RPS6KC1: variants seen among roughly 807,000 people sequenced by gnomAD.
RPS6KC1 encodes ribosomal protein S6 kinase C1.
Under a neutral mutation model 103.8 loss-of-function variants are expected in RPS6KC1, and 54 were observed. The observed-to-expected ratio is 0.52, with a 90% confidence interval of 0.42 to 0.65. The LOEUF (loss-of-function observed/expected upper bound fraction) is 0.65. RPS6KC1 is among the 30% of genes least tolerant of loss of function. The pLI is 0.00. For synonymous variants in RPS6KC1, 439 were observed against 438.7 expected (o/e 1.00, Z -0.01); for missense variants, 1,151 against 1,253.8 (o/e 0.92, Z 1.24).
the RPS6KC1 span, among the ~76,000 whole-genome samples, chr1:213,718,965 C>G: frequency 6.6e-6 from 1 of 152,166 alleles, no homozygotes; most frequent in African/African-American, 2.4e-5. Flanking sequence ...GAAGCAGCCC[C>G]GCCTTCAAAG....
the RPS6KC1 span, among the ~76,000 whole-genome samples, chr1:213,683,124 T>A: frequency 6.6e-6 from 1 of 152,240 alleles, no homozygotes; most frequent in Non-Finnish European, 1.5e-5. Flanking sequence ...ATAAGGTATT[T>A]GAAAGTCCTT....
the RPS6KC1 span, among the ~76,000 whole-genome samples, chr1:213,827,946 T>C: frequency 6.6e-6 from 1 of 152,172 alleles, no homozygotes; most frequent in Non-Finnish European, 1.5e-5. Flanking sequence ...CACAAAATGA[T>C]GAAGGTTTCC....
the RPS6KC1 span, among the ~76,000 whole-genome samples, chr1:213,773,857 G>A: frequency 6.6e-6 from 1 of 152,190 alleles, no homozygotes; most frequent in Non-Finnish European, 1.5e-5. Context: ...TAACATCACA[G>A]CAACAGTTAC....
chr1:213,554,872 C>T, the RPS6KC1 span, among the ~76,000 whole-genome samples: 1 of 152,186 alleles, frequency 6.6e-6, no homozygotes, highest in East Asian at 1.9e-4. Context: ...TTCATTATAA[C>T]ATAATACATT....
intron 7 of RPS6KC1, among the ~76,000 whole-genome samples, chr1:213,168,692 GGCTCACT>G (rs1170592979): frequency 1.3e-5 from 2 of 151,796 alleles, no homozygotes; most frequent in Non-Finnish European, 2.9e-5. Flanking sequence ...GCACGATCTA[GGCTCACT>G]GCAAGCTCCG....
In RPS6KC1 at chr1:213,077,798, G is replaced by A. The variant is rs1395807669; in HGVS notation, c.244G>A (p.Ala82Thr). The change falls in exon 3 of 15, where the codon GCT (alanine) becomes ACT (threonine). Residue 82 changes from alanine (A) to threonine (T), a missense_variant. By Grantham distance (58) the Ala-to-Thr change is moderately conservative. Transcript: ENST00000366960. ...FRHSELFPPF[A>T]KGIVFGRFDE... ...ACATTCAGAGTTGTTTCCTCCATTT[G>A]CTAAAGGAATAGTGTTTGGTAAGTG... The A allele has an allele frequency of 6.4e-7, 1 of 1,559,024 alleles. No individual in the cohort carries two copies. The highest frequency in any genetic ancestry group is 1.8e-5 in the Admixed American group (1 of 55,294).
In RPS6KC1 at chr1:213,129,756, T is replaced by G. The variant is rs1368048587; in HGVS notation, c.702T>G (p.Leu234=). The change falls in exon 6 of 15, where the codon CTT becomes CTG. Residue 234 remains leucine (L), a synonymous_variant. Coordinates refer to ENST00000366960, the MANE Select transcript of RPS6KC1 (RefSeq NM_012424.6). ...SLFPGSLKPK[L]GKRDYLEKAG... is the part of the protein sequence containing the mutation. ...TTCCTGGCAGTTTAAAGCCGAAGCT[T>G]GGCAAGAGAGATTATTTGGAGAAAG... 6.2e-7 allele frequency: 1 copy of G among 1,614,096 alleles called. No individual in the cohort carries two copies. Among genetic ancestry groups the G allele is most frequent in the South Asian group, 1.1e-5 (1 of 91,078 alleles).
chr1:213,824,204 C>A, the RPS6KC1 span, among the ~76,000 whole-genome samples: 24 of 152,330 alleles, frequency 1.6e-4, no homozygotes, highest in Admixed American at 4.6e-4. Flanking sequence ...ATGACCAAGA[C>A]AGTGACACAA....
chr1:213,313,244 C>A, the RPS6KC1 span, among the ~76,000 whole-genome samples: 1 of 152,298 alleles, frequency 6.6e-6, no homozygotes, highest in African/African-American at 2.4e-5. Context: ...ATGCCTTCAG[C>A]CTTCAAGGCA....
the RPS6KC1 span, among the ~76,000 whole-genome samples, chr1:213,478,929 C>T: frequency 1.1e-4 from 16 of 151,908 alleles, no homozygotes; most frequent in East Asian, 7.7e-4. Context: ...TCAGTCTAGA[C>T]GTTTAAATAT....
At chr1:213,167,200 C>G (rs2091038886) in intron 6 of RPS6KC1, among the ~76,000 whole-genome samples, 1 of 152,088 alleles carries the variant, frequency 6.6e-6, no homozygotes, top group Admixed American at 6.5e-5. Flanking sequence ...AAGAAAGCAG[C>G]TTTCATTCAA....
the RPS6KC1 span, among the ~76,000 whole-genome samples, chr1:213,523,033 T>C: frequency 6.6e-6 from 1 of 152,244 alleles, no homozygotes; most frequent in African/African-American, 2.4e-5. Flanking sequence ...AGCTTAATCA[T>C]TTCTAGGTTT....
the RPS6KC1 span, among the ~76,000 whole-genome samples, chr1:213,768,999 G>A: frequency 2.6e-5 from 4 of 152,202 alleles, no homozygotes; most frequent in African/African-American, 9.7e-5. Context: ...CAGCCCAGAA[G>A]TAGGGACAAC....
intron 3 of RPS6KC1, among the ~76,000 whole-genome samples, chr1:213,081,534 C>T (rs936604321): frequency 3.3e-5 from 5 of 152,100 alleles, no homozygotes; most frequent in African/African-American, 1.2e-4. Flanking sequence ...CACACCATAT[C>T]CAAACCATAG....
At chr1:213,116,959 G>A (rs139577070) in intron 4 of RPS6KC1, among the ~76,000 whole-genome samples, 6,514 of 152,206 alleles carry the variant, frequency 0.043, 171 homozygotes, top group South Asian at 0.064. Flanking sequence ...AGGGTAACCT[G>A]ACCTTTCTCT....
At chr1:213,068,161 C>A (rs1174866255) in intron 1 of RPS6KC1, among the ~76,000 whole-genome samples, 2 of 152,016 alleles carry the variant, frequency 1.3e-5, no homozygotes, top group Admixed American at 1.3e-4. Flanking sequence ...GATTGGTTAT[C>A]CATGACTTTT....
the RPS6KC1 span, among the ~76,000 whole-genome samples, chr1:213,837,619 A>C: frequency 2.0e-5 from 3 of 152,180 alleles, no homozygotes; most frequent in Non-Finnish European, 2.9e-5. Context: ...TTTAACAGAA[A>C]GGCATTAATA....
chr1:213,126,347 A>G (rs577885387), intron 5 of RPS6KC1, among the ~76,000 whole-genome samples: 17 of 152,258 alleles, frequency 1.1e-4, no homozygotes, highest in South Asian at 6.2e-4. Flanking sequence ...ACTAGGCTCA[A>G]TGAATCTCAT....
the RPS6KC1 span, among the ~76,000 whole-genome samples, chr1:213,343,440 T>TACATATATATACAC: frequency 1.2e-5 from 1 of 80,382 alleles, no homozygotes; most frequent in Non-Finnish European, 2.5e-5. Flanking sequence ...TATATATATA[T>TACATATATATACAC]ACATACCATG....
Sources: allele counts gnomAD v4.1 joint callset (sites outside exome capture counted in the v4.1 genomes callset), GRCh38; gene constraint gnomAD v4.1.1; transcripts MANE v1.5; gene names NCBI Gene and HGNC (gene_info 2026-07-23, HGNC 2026-07-21).